Variants in RASGEF1C observed in about 807,000 individuals in gnomAD.
RASGEF1C encodes the protein RasGEF domain family member 1C.
RASGEF1C carries 27 observed loss-of-function variants against 58.1 expected under a neutral mutation model. The observed-to-expected ratio is 0.46, with a 90% CI of 0.34 to 0.64. RASGEF1C has a LOEUF of 0.64. Ranked by LOEUF, RASGEF1C falls within the 30% of genes least tolerant of loss-of-function variation. The pLI, the probability that RASGEF1C is intolerant of heterozygous loss-of-function variation, is 0.01. For missense variants in RASGEF1C, 502 were observed against 605.1 expected (o/e 0.83, Z 1.79); for synonymous variants, 243 against 246.3 (o/e 0.99, Z 0.13).
At chr5:180,107,304 AT>A (rs1421668991) in intron 12 of RASGEF1C, among the ~76,000 whole-genome samples, 1 of 151,636 alleles carries the variant, frequency 6.6e-6, no homozygotes, top group Non-Finnish European at 1.5e-5. Context: ...CTTTTTGTCT[AT>A]TTTTTTGTTT....
intron 1 of RASGEF1C, among the ~76,000 whole-genome samples, chr5:180,200,523 C>A (rs1266822386): frequency 1.4e-4 from 22 of 151,746 alleles, no homozygotes; most frequent in Admixed American, 1.0e-3. Flanking sequence ...CCGTGTTAGC[C>A]AGGATGGTCT....
intron 4 of RASGEF1C, among the ~76,000 whole-genome samples, chr5:180,131,013 C>T (rs1253872590): frequency 6.6e-6 from 1 of 151,932 alleles, no homozygotes; most frequent in East Asian, 1.9e-4. Context: ...TAGGCCATCA[C>T]CACCCCTCTC....
chr5:180,114,863 TC>T (rs1302011311), intron 10 of RASGEF1C, among the ~76,000 whole-genome samples: 2 of 152,206 alleles, frequency 1.3e-5, no homozygotes, highest in Non-Finnish European at 2.9e-5. Flanking sequence ...GAATATTCCT[TC>T]CACTGCCTTC....
rs138352129 is a variant in RASGEF1C at position 180,189,741 on chromosome 5, G to A, written c.-7+19287C>T. Among the ~76,000 whole-genome samples, 750 of 151,674 alleles carry A rather than the reference G, an allele frequency of 4.9e-3. 10 individuals carry two copies. The highest frequency in any genetic ancestry group is 0.017 in the African/African-American group (721 of 41,368). ...GTTTGAGACCAGCCTGGCCAACATG[G>A]TGAAACCCCATCTCTACTGAAAATA... On this transcript the variant is annotated intron_variant, in intron 1 of 13. Transcript: ENST00000361132.
chr5:180,111,720 G>C lies in RASGEF1C; in HGVS notation c.1180-140C>G, dbSNP rs1765962828. ...TGAGGAGGAGCAGGGGGCGATAAAT[G>C]AGGGCGAGAGCAGTCCTGGCCTGCA... On this transcript the variant is annotated intron_variant, in intron 11 of 13. Coordinates refer to ENST00000361132, the MANE Select transcript of RASGEF1C (RefSeq NM_175062.4). The C allele has an allele frequency of 1.1e-5, 9 of 843,724 alleles. No homozygotes were observed. In the South Asian group the frequency reaches 1.5e-4, roughly 14 times the overall value. The allele number at this position is 843,724 out of a possible 1,614,324, so 52.3% of individuals were successfully genotyped here. A position where few individuals can be genotyped will look rare whatever the true frequency, so the allele number is the denominator to read the frequency against.
chr5:180,104,766 G>T (rs1163197783), intron 12 of RASGEF1C, among the ~76,000 whole-genome samples: 1 of 152,140 alleles, frequency 6.6e-6, no homozygotes, highest in African/African-American at 2.4e-5. Flanking sequence ...AATAGTCACA[G>T]GGCTATTCAA....
intron 1 of RASGEF1C, among the ~76,000 whole-genome samples, chr5:180,200,100 A>G (rs1452294265): frequency 6.6e-6 from 1 of 151,812 alleles, no homozygotes; most frequent in Non-Finnish European, 1.5e-5. Context: ...TCTCTACTAA[A>G]AATACAAAAA....
At chr5:180,175,099 C>G (rs566007186) in intron 1 of RASGEF1C, among the ~76,000 whole-genome samples, 1 of 152,102 alleles carries the variant, frequency 6.6e-6, no homozygotes, top group Admixed American at 6.5e-5. Context: ...CACCAGGGAC[C>G]CAGCCGCCAT....
At chr5:180,207,304 A>C (rs1311079103) in intron 1 of RASGEF1C, among the ~76,000 whole-genome samples, 5 of 152,238 alleles carry the variant, frequency 3.3e-5, no homozygotes, top group Admixed American at 2.0e-4. Flanking sequence ...TGCAGGAGAA[A>C]GGGAAAGGAA....
In RASGEF1C at chr5:180,158,719, A is replaced by G. The variant is rs961361442; in HGVS notation, c.-6-20661T>C. On this transcript the variant is annotated intron_variant, in intron 1 of 13. Transcript: ENST00000361132. This position sits in a 1 kb window ranked among gnomAD's most constrained non-coding sequence, Gnocchi z 4.0. ...GTCCCAAGTCTTTTGAAATTTCACAAGGACGCACCTTGACACGGGCCTTTC... is the reference window on the plus strand; with the variant it reads ...GTCCCAAGTCTTTTGAAATTTCACAGGGACGCACCTTGACACGGGCCTTTC... 6.6e-6 allele frequency among the ~76,000 whole-genome samples: 1 copy of G among 152,204 alleles called. No homozygotes were observed. The highest frequency in any genetic ancestry group is 1.5e-5 in the Non-Finnish European group (1 of 68,032).
At chr5:180,176,725 T>A (rs1160009664) in intron 1 of RASGEF1C, among the ~76,000 whole-genome samples, 3 of 151,810 alleles carry the variant, frequency 2.0e-5, no homozygotes, top group Admixed American at 6.6e-5. Context: ...CCCGGCTAAT[T>A]TTTTGTATTT....
rs1168140786 is a variant in RASGEF1C at position 180,205,184 on chromosome 5, G to A, written c.-7+3844C>T. Among the ~76,000 whole-genome samples the A allele has an allele frequency of 4.6e-5, 7 of 151,672 alleles. No homozygotes were observed. The South Asian group carries it at 1.0e-3, about 23-fold the overall frequency. ...AGCCTGGGTGACAGAGCGAGACTCCGTCTCAAAATAAATAAATAAATAAAT... is the reference window on the plus strand; with the variant it reads ...AGCCTGGGTGACAGAGCGAGACTCCATCTCAAAATAAATAAATAAATAAAT... On this transcript the variant is annotated intron_variant, in intron 1 of 13. Transcript: ENST00000361132.
chr5:180,173,537 T>C lies in RASGEF1C; in HGVS notation c.-6-35479A>G, dbSNP rs114279480. Among the ~76,000 whole-genome samples, 1,018 of 152,272 alleles carry C rather than the reference T, an allele frequency of 6.7e-3. 17 individuals are homozygous for C. The highest frequency in any genetic ancestry group is 0.023 in the African/African-American group (963 of 41,548). ...GATGTATCTGTCAAGGTCTGGAAAATCTTAAATGACAGAGAAATAAGAATT... is the reference window on the plus strand; with the variant it reads ...GATGTATCTGTCAAGGTCTGGAAAACCTTAAATGACAGAGAAATAAGAATT... On this transcript the variant is annotated intron_variant, in intron 1 of 13. Transcript: ENST00000361132.
Position 180,114,475 on chromosome 5 carries a change from G to T in RASGEF1C, c.1150C>A (p.Arg384Ser). 6.2e-7 allele frequency: 1 copy of T among 1,613,050 alleles called. No homozygotes were observed. The highest frequency in any genetic ancestry group is 8.5e-7 in the Non-Finnish European group (1 of 1,179,316). ...IYFLNEGCAN[R>S]LPNGHVNFEK... is the part of the protein sequence containing the mutation. ...AAGTTGACGTGTCCATTGGGAAGGC[G>T]GTTGGCGCAGCCCTCATTCAGGAAG... Residue 384 changes from arginine to serine, a missense_variant, in exon 11 of 14, where the codon CGC becomes AGC. By Grantham distance (110) the Arg-to-Ser change is moderately radical. Coordinates refer to ENST00000361132, the MANE Select transcript of RASGEF1C (RefSeq NM_175062.4).
chr5:180,208,050 T>A (rs1756520917), intron 1 of RASGEF1C, among the ~76,000 whole-genome samples: 2 of 152,172 alleles, frequency 1.3e-5, no homozygotes, highest in Admixed American at 1.3e-4. Flanking sequence ...GCTCAATGAA[T>A]GTGGCCAGTG....
At chr5:180,190,225 C>G (rs4700912) in intron 1 of RASGEF1C, among the ~76,000 whole-genome samples, 2 of 150,908 alleles carry the variant, frequency 1.3e-5, no homozygotes, top group African/African-American at 4.9e-5. Context: ...CGGTGGCTCA[C>G]GCCTGTAATC....
At chr5:180,118,946 C>T in intron 8 of RASGEF1C, 80 bp from the exon 9 acceptor site, 1 of 1,338,996 alleles carries the variant, frequency 7.5e-7, no homozygotes, top group East Asian at 2.3e-5. Flanking sequence ...TTGGACTGCA[C>T]CCTGACCAGG....
rs543873836 is a variant in RASGEF1C at position 180,152,811 on chromosome 5, C to T, written c.-6-14753G>A. Among the ~76,000 whole-genome samples, 60 of 150,400 alleles carry T rather than the reference C, an allele frequency of 4.0e-4. 1 individual carries two copies. The highest frequency in any genetic ancestry group is 1.3e-3 in the African/African-American group (53 of 40,774). On this transcript the variant is annotated intron_variant, in intron 1 of 13. Coordinates refer to ENST00000361132, the MANE Select transcript of RASGEF1C (RefSeq NM_175062.4). ...CTGTAATCCCAGCTACTCAGGAGGC[C>T]GAGGCAGGAGAACTGCTTGAACCCG... is the stretch of plus-strand genomic sequence containing the variant.
In RASGEF1C at chr5:180,101,349, TG is replaced by T; in HGVS notation, c.*151del. 2 of 677,664 alleles carry T rather than the reference TG, an allele frequency of 3.0e-6. No individual in the cohort carries two copies. The highest frequency in any genetic ancestry group is 3.5e-5 in the South Asian group (2 of 57,592). 42.0% of individuals were successfully genotyped at this position (677,664 alleles called of 1,614,324 possible). A position where few individuals can be genotyped will look rare whatever the true frequency, so the allele number is the denominator to read the frequency against. ...AGGTCTCCTGTGCCCGTATGGCCAC[TG>T]TGGGGGGGGGGGGGGCGGGCAGCAG... On this transcript the variant is annotated 3_prime_UTR_variant, in exon 14 of 14. Coordinates refer to ENST00000361132, the MANE Select transcript of RASGEF1C (RefSeq NM_175062.4).
Sources: gnomAD v4.1 joint callset for allele counts (sites outside exome capture counted in the v4.1 genomes callset) on GRCh38, gnomAD v4.1.1 for gene constraint, Gnocchi (gnomAD v3.1) non-coding constraint, MANE v1.5 for transcripts, NCBI Gene and HGNC (gene_info 2026-07-23, HGNC 2026-07-21) for gene names.